MMP27: variants seen among roughly 807,000 people sequenced by gnomAD.
MMP27 encodes matrix metallopeptidase 27.
A neutral mutation model predicts 48.1 loss-of-function variants in MMP27; 51 were observed. That is an observed-to-expected ratio of 1.06 (90% CI 0.85 to 1.34). MMP27 has a LOEUF of 1.34. Ranked by LOEUF, MMP27 falls within the 40% of genes most tolerant of loss-of-function variation. The probability of loss-of-function intolerance (pLI) is 0.00; values close to 1 mark genes in which losing one functional copy is unlikely to be tolerated. For synonymous variants in MMP27, 229 were observed against 208.9 expected (o/e 1.10, Z -0.83); for missense variants, 698 against 619.3 (o/e 1.13, Z -1.35).
chr11:102,705,027 A>G (rs1407786377), intron 1 of MMP27, among the ~76,000 whole-genome samples: 1 of 152,218 alleles, frequency 6.6e-6, no homozygotes, highest in East Asian at 1.9e-4. Context: ...AATTAGCCAA[A>G]GCACGCAGCT....
chr11:102,691,642 T>C lies in MMP27; in HGVS notation c.*124A>G, dbSNP rs775475146. The C allele has an allele frequency of 5.0e-6, 4 of 800,130 alleles. No individual in the cohort carries two copies. Among genetic ancestry groups the C allele is most frequent in the Admixed American group, 3.2e-5 (1 of 31,588 alleles). The allele number at this position is 800,130 out of a possible 1,614,324, so 49.6% of individuals were successfully genotyped here. A position where few individuals can be genotyped will look rare whatever the true frequency, so the allele number is the denominator to read the frequency against. ...ATTAAAAGAATCAGGCAGCTCAAAA[T>C]GGCCATTGAATTTGGATATTTAGAA... is the stretch of plus-strand genomic sequence containing the variant. On this transcript the variant is annotated 3_prime_UTR_variant, in exon 10 of 10. Transcript: ENST00000260229.
intron 4 of MMP27, among the ~76,000 whole-genome samples, chr11:102,698,225 C>G (rs78862722): frequency 1.3e-5 from 2 of 152,114 alleles, no homozygotes; most frequent in East Asian, 3.9e-4. Flanking sequence ...ACTGGCAGCA[C>G]GGTAAGTTTG....
Position 102,702,641 on chromosome 11 carries a change from A to T in MMP27, c.619+112T>A, listed in dbSNP as rs1591662197. The T allele has an allele frequency of 1.2e-5, 15 of 1,262,196 alleles. No homozygotes were observed. In the East Asian group the frequency reaches 3.3e-4, roughly 27 times the overall value. The allele number at this position is 1,262,196 out of a possible 1,614,324, so 78.2% of individuals were successfully genotyped here. ...TCAAGGTCATCTTGGAATATGGAAAATTGTGGGGACATTGGGAACTTTACA... is the reference window on the plus strand; with the variant it reads ...TCAAGGTCATCTTGGAATATGGAAATTTGTGGGGACATTGGGAACTTTACA... On this transcript the variant is annotated intron_variant, in intron 4 of 9. Coordinates refer to ENST00000260229, the MANE Select transcript of MMP27 (RefSeq NM_022122.3).
intron 2 of MMP27, among the ~76,000 whole-genome samples, chr11:102,703,542 A>T (rs905825383): frequency 3.3e-5 from 5 of 149,266 alleles, no homozygotes; most frequent in Non-Finnish European, 6.0e-5. Context: ...TTTTTTTTTG[A>T]GACAGAGTCT....
At chr11:102,705,486 A>G (rs1861029773) in intron 1 of MMP27, 127 bp downstream of exon 1, 2 of 579,780 alleles carry the variant, frequency 3.4e-6, no homozygotes, top group Non-Finnish European at 5.9e-6. Flanking sequence ...ACAAATGAAA[A>G]GCAGTTCCTT....
chr11:102,695,280 G>C (rs890036450), intron 6 of MMP27, among the ~76,000 whole-genome samples, 183 bp from the exon 7 acceptor site: 4 of 152,154 alleles, frequency 2.6e-5, no homozygotes, highest in African/African-American at 9.7e-5. Context: ...GGACTTCCAA[G>C]TCCAGGACAT....
At chr11:102,695,137 T>C in intron 6 of MMP27, 40 bp from the exon 7 acceptor site, 1 of 1,591,820 alleles carries the variant, frequency 6.3e-7, no homozygotes, top group Non-Finnish European at 8.6e-7. Flanking sequence ...GCAGCCTATT[T>C]CCATGTCAAT....
intron 4 of MMP27, 143 bp downstream of exon 4, chr11:102,702,610 C>A: frequency 1.1e-6 from 1 of 948,244 alleles, no homozygotes; most frequent in Non-Finnish European, 1.6e-6. Flanking sequence ...GTATTGAACA[C>A]TTCCATCAAG....
At chr11:102,705,242 A>C (rs1005022284) in intron 1 of MMP27, among the ~76,000 whole-genome samples, 1 of 152,226 alleles carries the variant, frequency 6.6e-6, no homozygotes, top group African/African-American at 2.4e-5. Context: ...TCTGTAAAGC[A>C]ATGTATTTTT....
In MMP27 at chr11:102,703,119, C is replaced by A; in HGVS notation, c.342-1G>T. 6.2e-7 allele frequency: 1 copy of A among 1,607,000 alleles called. No homozygotes were observed. Among genetic ancestry groups the A allele is most frequent in the East Asian group, 2.2e-5 (1 of 44,794 alleles). On this transcript the variant is annotated splice_acceptor_variant, in intron 2 of 9. Coordinates refer to ENST00000260229, the MANE Select transcript of MMP27 (RefSeq NM_022122.3). LOFTEE classifies it high-confidence loss of function. ...CATATCCGGAGTATAGTTTATTATTCTTAAAAATTAACAAAAATATGTCAA... is the reference window on the plus strand; with the variant it reads ...CATATCCGGAGTATAGTTTATTATTATTAAAAATTAACAAAAATATGTCAA...
Position 102,694,986 on chromosome 11 carries a change from AT to A in MMP27, c.1013del (p.Asp338ValfsTer13). On this transcript the variant is annotated frameshift_variant, in exon 7 of 10. Transcript: ENST00000260229. LOFTEE classifies it high-confidence loss of function. ...GGTTACCTTTAAAAACCAGAATCTT[AT>A]CTCTGGGGTTCTCGTATGCAGCTTG... ...DLQAAYENPR[D>X]KILVFKDENF... 1 of 1,613,948 alleles carries A rather than the reference AT, an allele frequency of 6.2e-7. No individual in the cohort carries two copies. Among genetic ancestry groups the A allele is most frequent in the Non-Finnish European group, 8.5e-7 (1 of 1,179,918 alleles).
At chr11:102,701,463 GT>G in intron 4 of MMP27, among the ~76,000 whole-genome samples, 1 of 152,342 alleles carries the variant, frequency 6.6e-6, no homozygotes, top group Non-Finnish European at 1.5e-5. Flanking sequence ...AGCAAGGGGA[GT>G]CATTCTGATT....
intron 8 of MMP27, among the ~76,000 whole-genome samples, chr11:102,693,260 C>T (rs1860758618): frequency 1.3e-5 from 2 of 152,148 alleles, no homozygotes; most frequent in Admixed American, 1.3e-4. Context: ...AAGGGCACAA[C>T]ATATGTTAGA....
intron 1 of MMP27, among the ~76,000 whole-genome samples, chr11:102,705,207 TAACTG>T (rs1861023846): frequency 6.6e-6 from 1 of 152,232 alleles, no homozygotes; most frequent in Non-Finnish European, 1.5e-5. Context: ...AATAAAAAGT[TAACTG>T]AACTGATTTT....
chr11:102,696,167 A>G (rs964077552), intron 6 of MMP27, among the ~76,000 whole-genome samples: 1 of 152,234 alleles, frequency 6.6e-6, no homozygotes, highest in Non-Finnish European at 1.5e-5. Context: ...GGCAATTTTT[A>G]AAATTCCTTA....
At position 102,693,967 on chromosome 11, in the gene MMP27, C is replaced by G; in HGVS notation, c.1132G>C (p.Ala378Pro). 1 of 1,611,934 alleles carries G rather than the reference C, an allele frequency of 6.2e-7. No individual in the cohort carries two copies. Among genetic ancestry groups the G allele is most frequent in the Non-Finnish European group, 8.5e-7 (1 of 1,178,916 alleles). ...GFPGRVKKID[A>P]AVCDKTTRKT... The stretch of plus-strand genomic sequence containing the variant: ...CTTGTGGTCTTATCACAGACGGCTG[C>G]ATCTATTTTCTTCACACGTCCTGGA... Residue 378 changes from alanine to proline, a missense_variant, in exon 8 of 10, where the codon GCA (alanine) becomes CCA (proline). Physicochemically the swap from Ala to Pro is conservative, Grantham distance 27 (BLOSUM62 -1). Transcript: ENST00000260229.
Position 102,691,693 on chromosome 11 carries a change from G to A in MMP27, c.*73C>T. ...CTAGGACCAGCAACTTGTTGTTAAA[G>A]AATGGTTTTATTCTATTTTGAAGCA... On this transcript the variant is annotated 3_prime_UTR_variant, in exon 10 of 10. Coordinates refer to ENST00000260229, the MANE Select transcript of MMP27 (RefSeq NM_022122.3). 2.3e-6 allele frequency: 3 copies of A among 1,307,292 alleles called. No individual in the cohort carries two copies. The highest frequency in any genetic ancestry group is 3.1e-6 in the Non-Finnish European group (3 of 970,544). 81.0% of individuals were successfully genotyped at this position (1,307,292 alleles called of 1,614,324 possible). A position where few individuals can be genotyped will look rare whatever the true frequency, so the allele number is the denominator to read the frequency against.
rs1203722105 is a variant in MMP27 at position 102,704,764 on chromosome 11, G to T, written c.114C>A (p.Asn38Lys). The T allele has an allele frequency of 6.3e-7, 1 of 1,599,562 alleles. No homozygotes were observed. ...CTTCTATTTCAAGAGAGTAGAACTG[G>T]TTGAGATATGCCTGACCAAAAAGAT... ...ENMQLAQAYL[N>K]QFYSLEIEGN... Residue 38 changes from asparagine (N) to lysine (K), a missense_variant, in exon 2 of 10, where the codon AAC (asparagine) becomes AAA (lysine). Asn to Lys is a moderately conservative substitution (Grantham distance 94, BLOSUM62 0). Coordinates refer to ENST00000260229, the MANE Select transcript of MMP27 (RefSeq NM_022122.3).
At chr11:102,704,274 G>A (rs1468351533) in intron 2 of MMP27, among the ~76,000 whole-genome samples, 2 of 152,222 alleles carry the variant, frequency 1.3e-5, no homozygotes, top group Non-Finnish European at 2.9e-5. Context: ...GGCTAGAGAT[G>A]AGAGCATGTC....
Sources: allele counts gnomAD v4.1 joint callset (sites outside exome capture counted in the v4.1 genomes callset), GRCh38; gene constraint gnomAD v4.1.1; transcripts MANE v1.5; gene names NCBI Gene and HGNC (gene_info 2026-07-23, HGNC 2026-07-21).